The following CTNNA3 variants were observed in gnomAD, a reference collection of about 807,000 sequenced individuals.
CTNNA3 encodes the protein catenin alpha 3.
In CTNNA3, 76 loss-of-function variants were observed where a neutral mutation model predicts 95.7. That is an observed-to-expected ratio of 0.79 (90% confidence interval 0.66 to 0.96). The LOEUF (loss-of-function observed/expected upper bound fraction) is 0.96, where lower values mean the gene tolerates loss of function less well. Among genes scored for constraint, CTNNA3 ranks in the 40% least tolerant of loss-of-function variants. The pLI, the probability that CTNNA3 is intolerant of heterozygous loss-of-function variation, is 0.00. For synonymous variants in CTNNA3, 431 were observed against 374.4 expected (o/e 1.15, Z -1.74); for missense variants, 1,191 against 1,089.8 (o/e 1.09, Z -1.31).
At chr10:66,448,482 G>T (rs1589266543) in intron 11 of CTNNA3, among the ~76,000 whole-genome samples, 2 of 152,126 alleles carry the variant, frequency 1.3e-5, no homozygotes, top group East Asian at 3.9e-4. Context: ...ATACACCATG[G>T]AATACTATGT....
chr10:67,726,042 T>C (rs539862236), intron 1 of CTNNA3, among the ~76,000 whole-genome samples: 2 of 132,078 alleles, frequency 1.5e-5, no homozygotes, highest in Admixed American at 8.7e-5. Flanking sequence ...AATTCTATTA[T>C]ATACAATTAT....
chr10:65,978,332 A>G (rs2078248687), intron 16 of CTNNA3, among the ~76,000 whole-genome samples: 1 of 152,070 alleles, frequency 6.6e-6, no homozygotes, highest in Non-Finnish European at 1.5e-5. Flanking sequence ...TGGAGCTTTT[A>G]GATCTTTATT....
rs1239710617 is a variant in CTNNA3, at chr10:67,180,631, A to C, written c.844-111T>G. ...GAATTCAGATGTGATAATAAAGAGA[A>C]CTGTGTTTTACTGCCTCGGCTGGTT... On this transcript the variant is annotated intron_variant, in intron 6 of 17. Transcript: ENST00000433211. 7.6e-6 allele frequency: 6 copies of C among 789,634 alleles called. No individual in the cohort carries two copies. The East Asian group carries it at 1.6e-4, about 21-fold the overall frequency. 48.9% of individuals were successfully genotyped at this position (789,634 alleles called of 1,614,324 possible).
At chr10:66,090,672 GCTGA>G (rs1240317670) in intron 14 of CTNNA3, among the ~76,000 whole-genome samples, 1 of 151,858 alleles carries the variant, frequency 6.6e-6, no homozygotes, top group Non-Finnish European at 1.5e-5. Flanking sequence ...ATGTTTGGAG[GCTGA>G]CTTTTTCTAA....
chr10:67,411,418 A>T (rs563894561), intron 5 of CTNNA3, among the ~76,000 whole-genome samples: 2 of 152,228 alleles, frequency 1.3e-5, no homozygotes, highest in South Asian at 4.1e-4. Context: ...GCTTATAGGC[A>T]TTTCTAGGTC....
intron 7 of CTNNA3, among the ~76,000 whole-genome samples, chr10:66,783,892 C>A (rs1840638356): frequency 6.6e-6 from 1 of 152,058 alleles, no homozygotes; most frequent in Non-Finnish European, 1.5e-5. Flanking sequence ...GTTTCCCAAG[C>A]CAGGTTTTCA....
intron 7 of CTNNA3, among the ~76,000 whole-genome samples, chr10:67,135,259 T>G (rs1481286145): frequency 6.6e-6 from 1 of 152,198 alleles, no homozygotes; most frequent in Non-Finnish European, 1.5e-5. Context: ...TAATTTCATG[T>G]GTTTCCTTGT....
At chr10:66,019,290 C>T (rs1437163483) in intron 15 of CTNNA3, among the ~76,000 whole-genome samples, 2 of 152,060 alleles carry the variant, frequency 1.3e-5, no homozygotes, top group African/African-American at 4.8e-5. Context: ...AACAACTCAG[C>T]CAGCTCTATC....
intron 11 of CTNNA3, among the ~76,000 whole-genome samples, chr10:66,465,540 A>G (rs751255507): frequency 3.3e-5 from 5 of 152,138 alleles, no homozygotes; most frequent in Non-Finnish European, 7.4e-5. Flanking sequence ...CTTACTGTAC[A>G]TGAGGGCAAA....
chr10:65,971,254 C>T (rs2078095162), intron 16 of CTNNA3, among the ~76,000 whole-genome samples: 1 of 150,288 alleles, frequency 6.7e-6, no homozygotes, highest in Non-Finnish European at 1.5e-5. Context: ...CCTAGAGGAG[C>T]AAGAAAAACA....
intron 1 of CTNNA3, among the ~76,000 whole-genome samples, chr10:67,713,954 A>T (rs1020137823): frequency 2.3e-4 from 27 of 115,728 alleles, no homozygotes; most frequent in Non-Finnish European, 3.7e-4. Flanking sequence ...AAGTAAAATT[A>T]AAAAAAAAAA....
At chr10:66,523,309 A>G (rs1841134263) in intron 10 of CTNNA3, among the ~76,000 whole-genome samples, 1 of 152,212 alleles carries the variant, frequency 6.6e-6, no homozygotes, top group African/African-American at 2.4e-5. Flanking sequence ...AGTTATGAAT[A>G]TAAGACAGGC....
chr10:66,373,807 G>A (rs183816510), intron 12 of CTNNA3, among the ~76,000 whole-genome samples: 1 of 152,328 alleles, frequency 6.6e-6, no homozygotes, highest in Admixed American at 6.5e-5. Context: ...GTAGTTCAAT[G>A]ATGGTTCTTG....
intron 13 of CTNNA3, among the ~76,000 whole-genome samples, chr10:66,157,332 A>G (rs1238394481): frequency 6.6e-6 from 1 of 152,026 alleles, no homozygotes; most frequent in Admixed American, 6.6e-5. Context: ...TTAGAATAAT[A>G]GTCTCCAATT....
intron 7 of CTNNA3, among the ~76,000 whole-genome samples, chr10:66,913,241 A>AC (rs1846307999): frequency 1.6e-5 from 2 of 128,218 alleles, no homozygotes; most frequent in African/African-American, 6.6e-5. Flanking sequence ...TCCGTCTCAA[A>AC]AAAAAAAAAA....
At chr10:66,461,702 T>C (rs1046456656) in intron 11 of CTNNA3, among the ~76,000 whole-genome samples, 1 of 149,818 alleles carries the variant, frequency 6.7e-6, no homozygotes, top group Non-Finnish European at 1.5e-5. Flanking sequence ...TATATATATA[T>C]ATCAAGTGGA....
intron 7 of CTNNA3, among the ~76,000 whole-genome samples, chr10:66,813,075 C>T (rs898050448): frequency 6.6e-6 from 1 of 152,066 alleles, no homozygotes; most frequent in Non-Finnish European, 1.5e-5. Context: ...TGCAGACTGG[C>T]TATTACAAAT....
At chr10:67,451,836 A>G (rs1490468310) in intron 5 of CTNNA3, among the ~76,000 whole-genome samples, 2 of 152,082 alleles carry the variant, frequency 1.3e-5, no homozygotes, top group African/African-American at 4.8e-5. Context: ...TTCATATTTT[A>G]CCATTTTATT....
intron 5 of CTNNA3, among the ~76,000 whole-genome samples, chr10:67,463,848 T>C (rs57332580): frequency 1.0e-3 from 159 of 152,294 alleles, no homozygotes; most frequent in African/African-American, 3.6e-3. Context: ...TACAATTTTG[T>C]TTACAAAAAC....
Sources: gnomAD v4.1 joint callset for allele counts (sites outside exome capture counted in the v4.1 genomes callset) on GRCh38, gnomAD v4.1.1 for gene constraint, MANE v1.5 for transcripts, NCBI Gene and HGNC (gene_info 2026-07-23, HGNC 2026-07-21) for gene names.